Variants in PLXDC2 observed in about 807,000 individuals in gnomAD.
PLXDC2 encodes plexin domain containing 2, also known as plexin domain-containing protein 2.
Under a neutral mutation model 68.9 loss-of-function variants are expected in PLXDC2, and 40 were observed. That is an observed-to-expected ratio of 0.58 (90% CI 0.45 to 0.76). PLXDC2 has a LOEUF of 0.76. PLXDC2 is among the 30% of genes least tolerant of loss of function. The pLI is 0.00. For missense variants in PLXDC2, 644 were observed against 661.9 expected (o/e 0.97, Z 0.30); for synonymous variants, 243 against 234.2 (o/e 1.04, Z -0.34).
At chr10:20,097,917 CATT>C (rs1475909697) in intron 4 of PLXDC2, among the ~76,000 whole-genome samples, 3 of 148,092 alleles carry the variant, frequency 2.0e-5, no homozygotes, top group South Asian at 2.1e-4. Flanking sequence ...ATTTATATAG[CATT>C]ATATTATTTA....
chr10:20,231,179 G>A (rs1835359403), intron 12 of PLXDC2, among the ~76,000 whole-genome samples: 1 of 150,292 alleles, frequency 6.7e-6, no homozygotes. Context: ...AATGAAGTTG[G>A]GAGAACAATA....
chr10:19,936,167 C>T (rs1244295725), intron 1 of PLXDC2, among the ~76,000 whole-genome samples: 4 of 152,046 alleles, frequency 2.6e-5, no homozygotes, highest in Non-Finnish European at 1.5e-5. Context: ...CACTGGGTAA[C>T]CAGAACCCAG....
At chr10:20,171,490 GTAAC>G (rs1834445182) in intron 7 of PLXDC2, among the ~76,000 whole-genome samples, 1 of 152,024 alleles carries the variant, frequency 6.6e-6, no homozygotes, top group Non-Finnish European at 1.5e-5. Flanking sequence ...TTCTCATAAA[GTAAC>G]TACTCATAAA....
chr10:19,991,776 C>G (rs927081328), intron 1 of PLXDC2, among the ~76,000 whole-genome samples: 1 of 152,024 alleles, frequency 6.6e-6, no homozygotes, highest in East Asian at 1.9e-4. Context: ...GATTTGGGTC[C>G]GAGACATTTG....
chr10:20,091,451 A>G (rs948144629), intron 4 of PLXDC2, among the ~76,000 whole-genome samples: 1 of 152,066 alleles, frequency 6.6e-6, no homozygotes, highest in African/African-American at 2.4e-5. Flanking sequence ...TCCACTACAT[A>G]GCTCATATAG....
chr10:19,970,857 C>G (rs1834340290), intron 1 of PLXDC2, among the ~76,000 whole-genome samples: 1 of 152,078 alleles, frequency 6.6e-6, no homozygotes, highest in South Asian at 2.1e-4. Flanking sequence ...CACTGATGCC[C>G]CTGAGTAGTC....
intron 1 of PLXDC2, among the ~76,000 whole-genome samples, chr10:19,838,186 C>A (rs1589493573): frequency 6.6e-6 from 1 of 152,038 alleles, no homozygotes; most frequent in African/African-American, 2.4e-5. Context: ...TGGTCTCAAA[C>A]TTTTGGGCTC....
chr10:19,856,815 G>T, intron 1 of PLXDC2, among the ~76,000 whole-genome samples: 1 of 152,198 alleles, frequency 6.6e-6, no homozygotes, highest in South Asian at 2.1e-4. Context: ...TTTCACAAGC[G>T]TTCTTAAATA....
At chr10:19,977,606 A>G (rs2131617088) in intron 1 of PLXDC2, among the ~76,000 whole-genome samples, 1 of 152,290 alleles carries the variant, frequency 6.6e-6, no homozygotes, top group Admixed American at 6.5e-5. Context: ...GGCTTAAACA[A>G]TATACATTTA....
In PLXDC2 at chr10:20,148,709, T is replaced by C. The variant is rs367625189; in HGVS notation, c.783+807T>C. ...AAACCTGAACTGTGAGAATTACTAATGAGCATTATTAACCCATAGGTTAAT... is the reference window on the plus strand; with the variant it reads ...AAACCTGAACTGTGAGAATTACTAACGAGCATTATTAACCCATAGGTTAAT... On this transcript the variant is annotated intron_variant, in intron 6 of 13. Transcript: ENST00000377252. Among the ~76,000 whole-genome samples the C allele has an allele frequency of 1.1e-4, 16 of 152,322 alleles. No individual in the cohort carries two copies. In the East Asian group the frequency reaches 2.3e-3, roughly 22 times the overall value.
intron 1 of PLXDC2, among the ~76,000 whole-genome samples, chr10:19,944,266 G>A (rs1271315276): frequency 2.6e-5 from 4 of 152,054 alleles, no homozygotes; most frequent in African/African-American, 9.7e-5. Context: ...CAAATAAGGT[G>A]CAGATTAAGA....
intron 4 of PLXDC2, among the ~76,000 whole-genome samples, chr10:20,127,169 C>T (rs1833804191): frequency 6.6e-6 from 1 of 152,064 alleles, no homozygotes; most frequent in African/African-American, 2.4e-5. Flanking sequence ...GAAAGCAAAG[C>T]TCTTCTACTC....
At chr10:19,884,751 G>A (rs532358294) in intron 1 of PLXDC2, among the ~76,000 whole-genome samples, 9 of 152,174 alleles carry the variant, frequency 5.9e-5, no homozygotes, top group Admixed American at 1.3e-4. Context: ...CAAGTCTATC[G>A]TTGTTGGACA....
chr10:20,245,456 T>C lies in PLXDC2; in HGVS notation c.1424T>C (p.Val475Ala). The change falls in exon 13 of 14, where the codon GTC becomes GCC. Residue 475 changes from valine (V) to alanine (A), a missense_variant. By Grantham distance (64) the Val-to-Ala change is moderately conservative. Coordinates refer to ENST00000377252, the MANE Select transcript of PLXDC2 (RefSeq NM_032812.9). The stretch of plus-strand genomic sequence containing the variant: ...GTAGCCACAGCCATTCTTGTGACAG[T>C]CTATATGTATCACCACCCAACATCA... The part of the protein sequence containing the change: ...LIVATAILVT[V>A]YMYHHPTSAA... 1 of 1,613,270 alleles carries C rather than the reference T, an allele frequency of 6.2e-7. No individual in the cohort carries two copies. The highest frequency in any genetic ancestry group is 8.5e-7 in the Non-Finnish European group (1 of 1,179,914).
intron 1 of PLXDC2, among the ~76,000 whole-genome samples, chr10:19,970,380 A>G (rs1834330005): frequency 1.3e-5 from 2 of 152,210 alleles, no homozygotes; most frequent in African/African-American, 2.4e-5. Context: ...ACAGATTACA[A>G]TGACATTTCC....
At chr10:20,259,262 A>G (rs1588548613) in intron 13 of PLXDC2, among the ~76,000 whole-genome samples, 1 of 152,174 alleles carries the variant, frequency 6.6e-6, no homozygotes, top group East Asian at 1.9e-4. Flanking sequence ...AAACGTTCAG[A>G]AACATTTCAT....
intron 2 of PLXDC2, among the ~76,000 whole-genome samples, chr10:20,044,278 T>G (rs1034119504): frequency 1.2e-4 from 15 of 124,622 alleles, no homozygotes; most frequent in African/African-American, 4.6e-4. Flanking sequence ...TCTTTCTTTC[T>G]TTCTTTCTTT....
At position 20,288,016 on chromosome 10, in the gene PLXDC2, A is replaced by C. The variant is rs1194936143; in HGVS notation, c.*8197A>C. 8 of 142,846 alleles carry C rather than the reference A, an allele frequency of 5.6e-5. No individual in the cohort carries two copies. The Admixed American group carries it at 5.9e-4, about 11-fold the overall frequency. The allele number at this position is 142,846 out of a possible 1,614,324, so 8.8% of individuals were successfully genotyped here. ...GGGGGGCGGTGGCTTTCCAGATTTT[A>C]TGCCAGTTGCACCAGCATGCAGAAT... On this transcript the variant is annotated 3_prime_UTR_variant, in exon 14 of 14. Coordinates refer to ENST00000377252, the MANE Select transcript of PLXDC2 (RefSeq NM_032812.9).
chr10:20,078,578 A>T (rs1279972745), intron 4 of PLXDC2, among the ~76,000 whole-genome samples: 1 of 152,224 alleles, frequency 6.6e-6, no homozygotes, highest in Non-Finnish European at 1.5e-5. Context: ...GTGTATTGTG[A>T]TGGTAATTTT....
Sources: gnomAD v4.1 joint callset for allele counts (sites outside exome capture counted in the v4.1 genomes callset) on GRCh38, gnomAD v4.1.1 for gene constraint, MANE v1.5 for transcripts, NCBI Gene and HGNC (gene_info 2026-07-23, HGNC 2026-07-21) for gene names.